Variants in ZER1 observed in about 807,000 individuals in gnomAD.
ZER1 encodes the protein protein zer-1 homolog.
Under a neutral mutation model 78.8 loss-of-function variants are expected in ZER1, and 11 were observed. The observed-to-expected ratio is 0.14, with a 90% CI of 0.09 to 0.23. ZER1 has a LOEUF of 0.23. Among genes scored for constraint, ZER1 ranks in the 10% least tolerant of loss-of-function variants. ZER1 has a pLI of 1.00. For missense variants in ZER1, 588 were observed against 996.9 expected, an observed-to-expected ratio of 0.59 and a Z score of 5.52; for synonymous variants, 400 against 407.0, an observed-to-expected ratio of 0.98 and a Z score of 0.21.
Position 128,753,307 on chromosome 9 carries a change from C to T in ZER1, c.603G>A (p.Leu201=), listed in dbSNP as rs1863746266. 1.2e-6 allele frequency: 2 copies of T among 1,612,526 alleles called. No homozygotes were observed. The highest frequency in any genetic ancestry group is 1.7e-6 in the Non-Finnish European group (2 of 1,179,380). The change falls in exon 4 of 16, where the codon CTG becomes CTA. Residue 201 remains leucine (L), a synonymous_variant. Transcript: ENST00000291900. This position sits in a 1 kb window ranked among gnomAD's most constrained non-coding sequence, Gnocchi z 7.5. ...VESLLRPLNS[L]AALDLSGIQT... is the part of the protein sequence containing the mutation. ...GAATGCCTGAGAGGTCCAAGGCAGC[C>T]AGGGAGTTAAGCGGCCGCAGCAGGG... is the stretch of plus-strand genomic sequence containing the variant.
Position 128,755,288 on chromosome 9 carries a change from C to T in ZER1, c.158+120G>A. Reference sequence around the variant, plus strand: ...AGCCATGAACATCCATGTGCACACACACACACCCTCACACATTCATCTCCA... The same window carrying T: ...AGCCATGAACATCCATGTGCACACATACACACCCTCACACATTCATCTCCA... On this transcript the variant is annotated intron_variant, in intron 2 of 15. Transcript: ENST00000291900. The surrounding 1 kb of genome is among the most constrained non-coding windows in gnomAD (Gnocchi z 5.6). 7.1e-7 allele frequency: 1 copy of T among 1,399,808 alleles called. No individual in the cohort carries two copies. 86.7% of individuals were successfully genotyped at this position (1,399,808 alleles called of 1,614,324 possible).
At position 128,752,860 on chromosome 9, in the gene ZER1, G is replaced by A. The variant is rs1304971926; in HGVS notation, c.747-11C>T. On this transcript the variant is annotated splice_polypyrimidine_tract_variant and intron_variant, in intron 4 of 15. Transcript: ENST00000291900. ...GAGATGTCCAGGTGTCTGAAGATTG[G>A]GGTAGGGGGTGCAGGTTAGGAGCTG... 1.2e-6 allele frequency: 2 copies of A among 1,611,360 alleles called. No homozygotes were observed. The highest frequency in any genetic ancestry group is 2.7e-5 in the African/African-American group (2 of 74,886).
chr9:128,752,325 TTC>T (rs1335548606), intron 5 of ZER1, among the ~76,000 whole-genome samples: 4 of 151,700 alleles, frequency 2.6e-5, no homozygotes, highest in Middle Eastern at 3.2e-3. Flanking sequence ...GGCAAATACT[TTC>T]TTTTTTTTTT....
intron 13 of ZER1, among the ~76,000 whole-genome samples, chr9:128,737,117 C>A (rs1863110762): frequency 6.6e-6 from 1 of 151,982 alleles, no homozygotes; most frequent in African/African-American, 2.4e-5. Context: ...GCACTCCAGC[C>A]TGGGTGACAG....
chr9:128,759,857 T>A (rs1863988094), intron 1 of ZER1, among the ~76,000 whole-genome samples: 1 of 152,148 alleles, frequency 6.6e-6, no homozygotes, highest in Admixed American at 6.6e-5. Flanking sequence ...TCCTTATGTA[T>A]GTATTTTTTT....
chr9:128,746,716 ACCTCTGCCTCCTGGGT>A, intron 8 of ZER1, among the ~76,000 whole-genome samples: 1 of 151,108 alleles, frequency 6.6e-6, no homozygotes, highest in African/African-American at 2.4e-5. Context: ...GCTCACTGCA[ACCTCTGCCTCCTGGGT>A]TCAAGAGATT....
chr9:128,761,019 G>A lies in ZER1; in HGVS notation c.-94-5360C>T, dbSNP rs377293676. Reference sequence around the variant, plus strand: ...TAAAAATACAAAAAATTAGCTGGGCGTGGTGGTGGGCACCTATAGTCCCAG... The same window carrying A: ...TAAAAATACAAAAAATTAGCTGGGCATGGTGGTGGGCACCTATAGTCCCAG... On this transcript the variant is annotated intron_variant, in intron 1 of 15. Coordinates refer to ENST00000291900, the MANE Select transcript of ZER1 (RefSeq NM_006336.4). 1.2e-3 allele frequency among the ~76,000 whole-genome samples: 176 copies of A among 151,508 alleles called. 3 individuals carry two copies. The East Asian group carries it at 0.024, about 21-fold the overall frequency.
At chr9:128,738,513 G>C (rs1405014783) in intron 13 of ZER1, among the ~76,000 whole-genome samples, 1 of 146,332 alleles carries the variant, frequency 6.8e-6, no homozygotes, top group Non-Finnish European at 1.5e-5. Context: ...AGCCTCCCGA[G>C]TAGCTGGGAC....
intron 1 of ZER1, among the ~76,000 whole-genome samples, chr9:128,765,189 G>T (rs564052282): frequency 6.6e-6 from 1 of 151,360 alleles, no homozygotes; most frequent in Non-Finnish European, 1.5e-5. Flanking sequence ...ATGCTTGCTT[G>T]CATGCCTGCA....
Position 128,733,372 on chromosome 9 carries a change from C to A in ZER1, c.2243+54G>T. 6.5e-7 allele frequency: 1 copy of A among 1,542,590 alleles called. No homozygotes were observed. Among genetic ancestry groups the A allele is most frequent in the Non-Finnish European group, 8.9e-7 (1 of 1,122,498 alleles). ...TAACCTCCAGAGGGCGCCCGCTATGCCCTTACTCCCCTAAACCAAGGTTCC... is the reference window on the plus strand; with the variant it reads ...TAACCTCCAGAGGGCGCCCGCTATGACCTTACTCCCCTAAACCAAGGTTCC... On this transcript the variant is annotated intron_variant, in intron 15 of 15. Transcript: ENST00000291900.
At chr9:128,741,762 G>A (rs1259913508) in intron 10 of ZER1, 38 bp downstream of exon 10, 13 of 1,614,020 alleles carry the variant, frequency 8.1e-6, no homozygotes, top group Non-Finnish European at 1.0e-5. Flanking sequence ...TTGCGAGGTG[G>A]GGAAAGGGTA....
Position 128,754,181 on chromosome 9 carries a change from T to C in ZER1, c.159-222A>G, listed in dbSNP as rs1427914844. Among the ~76,000 whole-genome samples, 1 of 152,208 alleles carries C rather than the reference T, an allele frequency of 6.6e-6. No individual in the cohort carries two copies. Among genetic ancestry groups the C allele is most frequent in the Non-Finnish European group, 1.5e-5 (1 of 68,030 alleles). ...GCTCTCTGGGAGACCTTCTAGGTGATGCAGGCGCCATCTCTCCCAGTGCAC... is the reference window on the plus strand; with the variant it reads ...GCTCTCTGGGAGACCTTCTAGGTGACGCAGGCGCCATCTCTCCCAGTGCAC... On this transcript the variant is annotated intron_variant, in intron 2 of 15. Transcript: ENST00000291900. The surrounding 1 kb of genome is among the most constrained non-coding windows in gnomAD (Gnocchi z 4.3).
chr9:128,760,118 G>A (rs1330934170), intron 1 of ZER1, among the ~76,000 whole-genome samples: 3 of 152,154 alleles, frequency 2.0e-5, no homozygotes, highest in Non-Finnish European at 2.9e-5. Context: ...GGGCTCAAGC[G>A]ATCCTCCCAT....
intron 4 of ZER1, 103 bp from the exon 5 acceptor site, chr9:128,752,952 T>A: frequency 7.0e-7 from 1 of 1,432,598 alleles, no homozygotes; most frequent in Non-Finnish European, 9.4e-7. Flanking sequence ...GGCCCATTCC[T>A]GCCACAACTT....
chr9:128,760,087 C>T (rs1253386904), intron 1 of ZER1, among the ~76,000 whole-genome samples: 1 of 151,354 alleles, frequency 6.6e-6, no homozygotes, highest in Non-Finnish European at 1.5e-5. Flanking sequence ...TCTGTGTTGC[C>T]CAGGTTGGTC....
chr9:128,750,867 T>C (rs1863653596), intron 7 of ZER1, 78 bp from the exon 8 acceptor site: 3 of 1,576,748 alleles, frequency 1.9e-6, no homozygotes, highest in South Asian at 2.3e-5. Context: ...GAACAGGCTC[T>C]CTGGGGCAAG....
At chr9:128,737,638 A>T (rs941000235) in intron 13 of ZER1, among the ~76,000 whole-genome samples, 1 of 152,224 alleles carries the variant, frequency 6.6e-6, no homozygotes, top group East Asian at 1.9e-4. Flanking sequence ...CTGGAAGGAG[A>T]CACACCAAAA....
intron 1 of ZER1, among the ~76,000 whole-genome samples, chr9:128,757,297 T>C (rs532415503): frequency 2.6e-5 from 4 of 152,166 alleles, no homozygotes; most frequent in South Asian, 2.1e-4. Context: ...GGTGGGCAAA[T>C]TGCTTGAGCC....
rs1292316912 is a variant in ZER1, at chr9:128,751,964, G to A, written c.924-437C>T. On this transcript the variant is annotated intron_variant, in intron 5 of 15. Transcript: ENST00000291900. The surrounding 1 kb of genome is among the most constrained non-coding windows in gnomAD (Gnocchi z 5.4). The stretch of plus-strand genomic sequence containing the variant: ...CAATACTCCATAGGTGGCAGACACT[G>A]CCAGCCTTGCCTCTTCCCCCCATGG... Among the ~76,000 whole-genome samples, 1 of 152,200 alleles carries A rather than the reference G, an allele frequency of 6.6e-6. No homozygotes were observed. Among genetic ancestry groups the A allele is most frequent in the African/African-American group, 2.4e-5 (1 of 41,458 alleles).
Sources: allele counts gnomAD v4.1 joint callset (sites outside exome capture counted in the v4.1 genomes callset), GRCh38; gene constraint gnomAD v4.1.1; non-coding constraint Gnocchi (gnomAD v3.1); transcripts MANE v1.5; gene names NCBI Gene and HGNC (gene_info 2026-07-23, HGNC 2026-07-21).